CERS6: variants seen among roughly 807,000 people sequenced by gnomAD.
CERS6 encodes the protein LAG1 homolog, ceramide synthase 6.
A neutral mutation model predicts 56.8 loss-of-function variants in CERS6; 26 were observed. That is an observed-to-expected ratio of 0.46 (90% CI 0.34 to 0.63). The LOEUF (loss-of-function observed/expected upper bound fraction) is 0.63. Among genes scored for constraint, CERS6 ranks in the 30% least tolerant of loss-of-function variants. The pLI is 0.01. For missense variants in CERS6, 415 were observed against 467.5 expected, an observed-to-expected ratio of 0.89 and a Z score of 1.04; for synonymous variants, 164 against 173.3, an observed-to-expected ratio of 0.95 and a Z score of 0.42.
chr2:168,543,296 T>C (rs1414613891), intron 1 of CERS6, among the ~76,000 whole-genome samples: 2 of 152,238 alleles, frequency 1.3e-5, no homozygotes, highest in Non-Finnish European at 2.9e-5. Context: ...AGCATTTCCT[T>C]ATAGAGGTAA....
intron 1 of CERS6, among the ~76,000 whole-genome samples, chr2:168,535,579 C>G (rs751687592): frequency 8.6e-5 from 13 of 151,680 alleles, no homozygotes; most frequent in Non-Finnish European, 1.6e-4. Flanking sequence ...AGGATTCACA[C>G]GCTTACTATG....
At chr2:168,533,102 A>G (rs1695196645) in intron 1 of CERS6, among the ~76,000 whole-genome samples, 2 of 152,242 alleles carry the variant, frequency 1.3e-5, no homozygotes, top group Admixed American at 1.3e-4. Context: ...AACAAATTTT[A>G]AAAGTACCTA....
chr2:168,753,680 C>T (rs114385341), intron 8 of CERS6, among the ~76,000 whole-genome samples: 1,831 of 152,254 alleles, frequency 0.012, 37 homozygotes, highest in African/African-American at 0.042. Context: ...ACATTTTTCT[C>T]TTTTTAGCAG....
intron 3 of CERS6, among the ~76,000 whole-genome samples, chr2:168,585,603 G>A (rs959867818): frequency 6.6e-6 from 1 of 152,230 alleles, no homozygotes; most frequent in Non-Finnish European, 1.5e-5. Context: ...TGCCTGTGGT[G>A]TGGCAGATGC....
intron 8 of CERS6, among the ~76,000 whole-genome samples, chr2:168,756,140 C>T (rs539125745): frequency 6.6e-6 from 1 of 152,132 alleles, no homozygotes; most frequent in Non-Finnish European, 1.5e-5. Flanking sequence ...GGTTTCAGAG[C>T]CATTTCTGCC....
At chr2:168,526,601 G>C (rs1363730527) in intron 1 of CERS6, among the ~76,000 whole-genome samples, 4 of 152,220 alleles carry the variant, frequency 2.6e-5, no homozygotes, top group African/African-American at 4.8e-5. Flanking sequence ...CTGACTCAGG[G>C]AGGTAAACTA....
intron 1 of CERS6, among the ~76,000 whole-genome samples, chr2:168,540,052 C>T (rs1695338769): frequency 6.6e-6 from 1 of 152,162 alleles, no homozygotes; most frequent in African/African-American, 2.4e-5. Context: ...CTTCCTTTAG[C>T]ATATTTGAAA....
At chr2:168,692,114 T>TATAGAA (rs1385688157) in intron 5 of CERS6, among the ~76,000 whole-genome samples, 3 of 152,158 alleles carry the variant, frequency 2.0e-5, no homozygotes, top group African/African-American at 7.2e-5. Flanking sequence ...ACGAGTGGTT[T>TATAGAA]TTTCACATTA....
intron 2 of CERS6, among the ~76,000 whole-genome samples, chr2:168,556,231 G>A (rs1695676556): frequency 1.3e-5 from 2 of 151,904 alleles, no homozygotes; most frequent in South Asian, 2.1e-4. Flanking sequence ...CAAGACTAGA[G>A]ACCAAATTTT....
chr2:168,743,995 C>CTTTTTTTTTTTTTTTTTTTTTTT (rs58256507), intron 8 of CERS6, among the ~76,000 whole-genome samples: 22 of 63,404 alleles, frequency 3.5e-4, no homozygotes, highest in African/African-American at 5.5e-4. Flanking sequence ...TCTTTTTTTT[C>CTTTTTTTTTTTTTTTTTTTTTTT]TTTTTTTTTT....
At chr2:168,476,285 A>C (rs946072294) in intron 1 of CERS6, among the ~76,000 whole-genome samples, 3 of 152,128 alleles carry the variant, frequency 2.0e-5, no homozygotes, top group Non-Finnish European at 1.5e-5. Flanking sequence ...TAAAGAAAAA[A>C]AAATCAATGC....
At chr2:168,732,943 A>G (rs891420544) in intron 8 of CERS6, among the ~76,000 whole-genome samples, 1 of 152,164 alleles carries the variant, frequency 6.6e-6, no homozygotes, top group African/African-American at 2.4e-5. Flanking sequence ...AAATATATAT[A>G]TATCAAATAG....
chr2:168,766,394 C>T, intron 9 of CERS6: 1 of 1,526,758 alleles, frequency 6.5e-7, no homozygotes, highest in South Asian at 1.1e-5. Flanking sequence ...TGCCTCTTGC[C>T]TGTTGGAGGG....
chr2:168,651,454 C>T (rs879183011), intron 4 of CERS6, among the ~76,000 whole-genome samples: 2 of 152,114 alleles, frequency 1.3e-5, no homozygotes, highest in East Asian at 1.9e-4. Context: ...TGTATTAGTT[C>T]GTTTTCATAC....
intron 3 of CERS6, among the ~76,000 whole-genome samples, chr2:168,614,376 GA>G (rs1298448129): frequency 6.6e-6 from 1 of 152,220 alleles, no homozygotes; most frequent in Non-Finnish European, 1.5e-5. Context: ...TCCAGGAGAT[GA>G]GGCATGATTT....
chr2:168,637,700 CT>C (rs1684895250), intron 4 of CERS6, among the ~76,000 whole-genome samples: 1 of 152,044 alleles, frequency 6.6e-6, no homozygotes, highest in South Asian at 2.1e-4. Flanking sequence ...GACATGCAAT[CT>C]TTTTGAGAAA....
At chr2:168,680,250 A>C (rs768310003) in intron 4 of CERS6, among the ~76,000 whole-genome samples, 7 of 152,208 alleles carry the variant, frequency 4.6e-5, no homozygotes, top group Non-Finnish European at 8.8e-5. Flanking sequence ...GAGTGGACTT[A>C]GTCGTGCACG....
At chr2:168,755,606 T>A (rs780078118) in intron 8 of CERS6, among the ~76,000 whole-genome samples, 1 of 152,206 alleles carries the variant, frequency 6.6e-6, no homozygotes, top group Non-Finnish European at 1.5e-5. Context: ...ATTGTTAAAA[T>A]GAGAAAATAC....
chr2:168,525,744 C>G (rs960771865), intron 1 of CERS6, among the ~76,000 whole-genome samples: 2 of 152,154 alleles, frequency 1.3e-5, no homozygotes, highest in Admixed American at 1.3e-4. Context: ...GTAAAATGCC[C>G]TTTTCTTACA....
Sources: gnomAD v4.1 joint callset for allele counts (sites outside exome capture counted in the v4.1 genomes callset) on GRCh38, gnomAD v4.1.1 for gene constraint, MANE v1.5 for transcripts, NCBI Gene and HGNC (gene_info 2026-07-23, HGNC 2026-07-21) for gene names.